Variants in SMYD3 observed in about 807,000 individuals in gnomAD.
SMYD3 encodes the protein SET and MYND domain containing 3.
Under a neutral mutation model 57.7 loss-of-function variants are expected in SMYD3, and 36 were observed. The observed-to-expected ratio is 0.62, with a 90% CI of 0.48 to 0.82. SMYD3 has a LOEUF of 0.82. SMYD3 is among the 40% of genes least tolerant of loss of function. SMYD3 has a pLI of 0.00. For missense variants in SMYD3, 515 were observed against 538.8 expected (o/e 0.96, Z 0.44); for synonymous variants, 211 against 195.0 (o/e 1.08, Z -0.68).
chr1:246,027,168 C>T (rs181322063), intron 5 of SMYD3, among the ~76,000 whole-genome samples: 63 of 152,208 alleles, frequency 4.1e-4, no homozygotes, highest in Admixed American at 2.8e-3. Context: ...ACAGAAGAAA[C>T]GGTGGAAAGT....
intron 5 of SMYD3, among the ~76,000 whole-genome samples, chr1:246,181,425 T>G (rs529280447): frequency 1.3e-5 from 2 of 152,318 alleles, no homozygotes; most frequent in East Asian, 3.9e-4. Context: ...CTGACATCCC[T>G]GCCACTCCCC....
chr1:246,361,866 A>ACAC (rs1186797756), intron 1 of SMYD3, among the ~76,000 whole-genome samples: 1 of 152,162 alleles, frequency 6.6e-6, no homozygotes, highest in African/African-American at 2.4e-5. Context: ...GGAGATGGAT[A>ACAC]CACCAAAATC....
At chr1:246,433,111 C>G (rs1182293350) in intron 1 of SMYD3, among the ~76,000 whole-genome samples, 19 of 152,306 alleles carry the variant, frequency 1.2e-4, no homozygotes, top group East Asian at 9.6e-4. Flanking sequence ...TGATAAATGA[C>G]TTCAGTAAAG....
intron 1 of SMYD3, among the ~76,000 whole-genome samples, chr1:246,371,843 G>A (rs2066198353): frequency 6.6e-6 from 1 of 152,180 alleles, no homozygotes; most frequent in South Asian, 2.1e-4. Flanking sequence ...ACTAATTGGA[G>A]TCGTTTGTTC....
chr1:246,279,992 G>T (rs1363174042), intron 5 of SMYD3, among the ~76,000 whole-genome samples: 2 of 152,172 alleles, frequency 1.3e-5, no homozygotes, highest in Non-Finnish European at 2.9e-5. Context: ...AGAATTCTGA[G>T]TTTAGCACAC....
At chr1:245,961,937 C>A (rs79447755) in intron 5 of SMYD3, among the ~76,000 whole-genome samples, 1,958 of 152,240 alleles carry the variant, frequency 0.013, 28 homozygotes, top group African/African-American at 0.04. Context: ...GTTATTACAG[C>A]TGGGAACTGA....
chr1:246,159,577 T>C lies in SMYD3; in HGVS notation c.531+167624A>G, dbSNP rs75788927. Among the ~76,000 whole-genome samples, 70 of 151,794 alleles carry C rather than the reference T, an allele frequency of 4.6e-4. 2 individuals carry two copies. In the East Asian group the frequency reaches 9.9e-3, roughly 21 times the overall value. Reference sequence around the variant, plus strand: ...TTGTAGCCCCGAAAAAAAAAAAAATTGAAACTCTGTTAGCAGGAAGAAAGC... The same window carrying C: ...TTGTAGCCCCGAAAAAAAAAAAAATCGAAACTCTGTTAGCAGGAAGAAAGC... On this transcript the variant is annotated intron_variant, in intron 5 of 11. Coordinates refer to ENST00000490107, the MANE Select transcript of SMYD3 (RefSeq NM_001167740.2).
At chr1:245,820,194 A>C (rs1281369595) in intron 10 of SMYD3, among the ~76,000 whole-genome samples, 1 of 150,630 alleles carries the variant, frequency 6.6e-6, no homozygotes. Context: ...AAGCTTATCC[A>C]CCATGATCAA....
intron 5 of SMYD3, among the ~76,000 whole-genome samples, chr1:246,129,158 G>C (rs918924715): frequency 6.6e-6 from 1 of 152,064 alleles, no homozygotes; most frequent in Non-Finnish European, 1.5e-5. Context: ...ACAAGGTGCA[G>C]GCAGGGGACA....
rs781261265 is a variant in SMYD3, at chr1:245,858,686, G to C, written c.902-16C>G. On this transcript the variant is annotated splice_polypyrimidine_tract_variant and intron_variant, in intron 9 of 11. Transcript: ENST00000490107. The stretch of plus-strand genomic sequence containing the variant: ...TGCTCCCACTCTGTTATTAACCTTA[G>C]TTAAGGATTCATTGTCTTCATCAAG... The C allele has an allele frequency of 1.2e-6, 2 of 1,606,246 alleles. No homozygotes were observed. Among genetic ancestry groups the C allele is most frequent in the Middle Eastern group, 1.7e-4 (1 of 6,046 alleles).
At chr1:246,482,027 G>A (rs540625297) in intron 1 of SMYD3, among the ~76,000 whole-genome samples, 4 of 151,916 alleles carry the variant, frequency 2.6e-5, no homozygotes, top group Admixed American at 6.6e-5. Context: ...GAATGGTGGT[G>A]TACACCTGTA....
At chr1:245,757,319 T>C (rs1409999970) in intron 11 of SMYD3, among the ~76,000 whole-genome samples, 2 of 152,166 alleles carry the variant, frequency 1.3e-5, no homozygotes, top group African/African-American at 2.4e-5. Flanking sequence ...CACAATTTTA[T>C]TCCTTTTTAA....
intron 1 of SMYD3, among the ~76,000 whole-genome samples, chr1:246,506,558 C>G (rs964340048): frequency 6.6e-6 from 1 of 152,180 alleles, no homozygotes; most frequent in Non-Finnish European, 1.5e-5. Context: ...CAGAGGTGCA[C>G]CGTAGACATC....
intron 5 of SMYD3, among the ~76,000 whole-genome samples, chr1:246,064,393 C>T (rs1330209591): frequency 6.6e-6 from 1 of 152,190 alleles, no homozygotes. Context: ...GAAAGCATGG[C>T]ACTTTCTTAC....
intron 2 of SMYD3, among the ~76,000 whole-genome samples, chr1:246,337,742 A>G (rs1461497688): frequency 6.6e-6 from 1 of 152,200 alleles, no homozygotes; most frequent in Non-Finnish European, 1.5e-5. Context: ...GCAGATTTTA[A>G]TCAATGCTCA....
chr1:246,128,215 A>G (rs2061536702), intron 5 of SMYD3, among the ~76,000 whole-genome samples: 1 of 152,090 alleles, frequency 6.6e-6, no homozygotes, highest in African/African-American at 2.4e-5. Context: ...AGTTGCCCCA[A>G]TTCCTGCACT....
chr1:246,501,567 C>T (rs1490413506), intron 1 of SMYD3, among the ~76,000 whole-genome samples: 3 of 152,168 alleles, frequency 2.0e-5, no homozygotes, highest in African/African-American at 4.8e-5. Flanking sequence ...TCCATTGATT[C>T]GGCCACATTT....
At chr1:246,201,465 T>C (rs896553538) in intron 5 of SMYD3, among the ~76,000 whole-genome samples, 1 of 152,244 alleles carries the variant, frequency 6.6e-6, no homozygotes, top group African/African-American at 2.4e-5. Context: ...AAGCAGATGG[T>C]AATATGCATT....
At chr1:245,813,093 T>A (rs886738039) in intron 10 of SMYD3, among the ~76,000 whole-genome samples, 12 of 147,370 alleles carry the variant, frequency 8.1e-5, no homozygotes, top group Non-Finnish European at 1.6e-4. Flanking sequence ...CAGCTCATTG[T>A]AACCTCCGCC....
Sources: allele counts gnomAD v4.1 joint callset (sites outside exome capture counted in the v4.1 genomes callset), GRCh38; gene constraint gnomAD v4.1.1; transcripts MANE v1.5; gene names NCBI Gene and HGNC (gene_info 2026-07-23, HGNC 2026-07-21).